DNAH3: variants seen among roughly 807,000 people sequenced by gnomAD.
DNAH3 encodes the protein dynein axonemal heavy chain 3, also known as axonemal beta dynein heavy chain 3.
Under a neutral mutation model 432.5 loss-of-function variants are expected in DNAH3, and 332 were observed. That is an observed-to-expected ratio of 0.77 (90% CI 0.70 to 0.84). DNAH3 has a LOEUF of 0.84. Among genes scored for constraint, DNAH3 ranks in the 40% least tolerant of loss-of-function variants. The pLI is 0.00. For missense variants in DNAH3, 4,861 were observed against 5,114.0 expected (o/e 0.95, Z 1.51); for synonymous variants, 1,956 against 1,900.2 (o/e 1.03, Z -0.76).
intron 23 of DNAH3, 85 bp from the exon 24 acceptor site, chr16:21,067,504 A>G (rs2090597336): frequency 7.0e-7 from 1 of 1,426,174 alleles, no homozygotes; most frequent in Admixed American, 1.8e-5. Flanking sequence ...TGACCTATCA[A>G]CTGACAGCAC....
At chr16:21,055,857 C>T (rs2090114016) in intron 27 of DNAH3, among the ~76,000 whole-genome samples, 1 of 152,084 alleles carries the variant, frequency 6.6e-6, no homozygotes, top group South Asian at 2.1e-4. Context: ...GCAATCCTCC[C>T]ACCTCAGCCG....
intron 52 of DNAH3, among the ~76,000 whole-genome samples, chr16:20,966,807 G>A (rs1214631221): frequency 6.6e-6 from 1 of 152,148 alleles, no homozygotes; most frequent in Non-Finnish European, 1.5e-5. Context: ...TGTGAGTGAG[G>A]CAAAGGTCTT....
chr16:21,121,054 G>T (rs779731576), intron 10 of DNAH3: 5 of 682,906 alleles, frequency 7.3e-6, no homozygotes, highest in South Asian at 6.0e-5. Context: ...TGAACTCCTG[G>T]GCATTCGTTT....
chr16:20,974,994 T>TC (rs1213462742), intron 51 of DNAH3, among the ~76,000 whole-genome samples: 1 of 149,940 alleles, frequency 6.7e-6, no homozygotes, highest in Non-Finnish European at 1.5e-5. Context: ...AGTTTTTTTT[T>TC]TTTTTTTTTT....
chr16:20,953,985 T>G (rs887583652), intron 55 of DNAH3, among the ~76,000 whole-genome samples: 1 of 152,054 alleles, frequency 6.6e-6, no homozygotes, highest in African/African-American at 2.4e-5. Context: ...ATGTCAGAAT[T>G]TTCTTCCTCT....
chr16:21,159,285 T>G (rs2092934219), intron 1 of DNAH3: 2 of 1,545,760 alleles, frequency 1.3e-6, no homozygotes, highest in Non-Finnish European at 8.9e-7. Context: ...TTCCCATTAT[T>G]CAGTCTCTGT....
intron 34 of DNAH3, among the ~76,000 whole-genome samples, chr16:21,037,400 C>T (rs1454134412): frequency 6.6e-6 from 1 of 152,168 alleles, no homozygotes; most frequent in African/African-American, 2.4e-5. Context: ...GATTATCTTC[C>T]AGTCACTGTA....
At position 21,122,131 on chromosome 16, in the gene DNAH3, G is replaced by A; in HGVS notation, c.1405-7C>T. ...CCTTAAAATCATTCCCATCCTTCAG[G>A]AGACATAAGGTAGGGCAAGCGTTAC... On this transcript the variant is annotated splice_region_variant and splice_polypyrimidine_tract_variant and intron_variant, in intron 9 of 61. Transcript: ENST00000261383. 1 of 1,604,430 alleles carries A rather than the reference G, an allele frequency of 6.2e-7. No homozygotes were observed. The highest frequency in any genetic ancestry group is 8.5e-7 in the Non-Finnish European group (1 of 1,176,290).
intron 41 of DNAH3, among the ~76,000 whole-genome samples, chr16:21,017,628 G>A (rs1382860383): frequency 1.3e-5 from 2 of 152,146 alleles, no homozygotes; most frequent in Non-Finnish European, 2.9e-5. Context: ...GCGCATGTTT[G>A]TTGTCAGCGC....
At chr16:21,075,157 C>A (rs1207667712) in intron 21 of DNAH3, among the ~76,000 whole-genome samples, 1 of 152,158 alleles carries the variant, frequency 6.6e-6, no homozygotes, top group African/African-American at 2.4e-5. Flanking sequence ...GGTGTACAAG[C>A]CTGCACCTTC....
exon 47 of DNAH3, chr16:20,987,353 G>A (rs2086246759): frequency 2.5e-6 from 4 of 1,614,094 alleles, no homozygotes; most frequent in African/African-American, 1.3e-5. Flanking sequence ...CCTTCACCAT[G>A]TTGAAAAAGA....
chr16:21,155,143 T>C (rs959046280), intron 1 of DNAH3, among the ~76,000 whole-genome samples: 2 of 151,066 alleles, frequency 1.3e-5, no homozygotes, highest in African/African-American at 4.9e-5. Context: ...AGAGATGGGG[T>C]TTTGCCATGT....
At chr16:20,966,749 G>A (rs563007706) in intron 52 of DNAH3, among the ~76,000 whole-genome samples, 65 of 152,284 alleles carry the variant, frequency 4.3e-4, no homozygotes, top group African/African-American at 1.4e-3. Context: ...TCCCTAGTCT[G>A]GGAGGTGGGT....
intron 40 of DNAH3, among the ~76,000 whole-genome samples, 195 bp from the exon 41 acceptor site, chr16:21,020,064 AG>A (rs2088083998): frequency 6.8e-6 from 1 of 147,866 alleles, no homozygotes; most frequent in African/African-American, 2.5e-5. Context: ...TCTGTCTCCC[AG>A]GTTGGAGTGC....
chr16:21,000,450 G>A (rs758909411), exon 43 of DNAH3: 13 of 1,613,998 alleles, frequency 8.1e-6, no homozygotes, highest in Non-Finnish European at 1.1e-5. Flanking sequence ...GAATCTCATG[G>A]TCTAAGTAGG....
At chr16:21,098,333 G>C (rs544831779) in intron 17 of DNAH3, among the ~76,000 whole-genome samples, 1 of 151,658 alleles carries the variant, frequency 6.6e-6, no homozygotes, top group East Asian at 1.9e-4. Context: ...CAGCTACTTG[G>C]AAGGCTGAGG....
At chr16:21,146,510 T>C (rs559547876) in intron 1 of DNAH3, among the ~76,000 whole-genome samples, 2 of 152,246 alleles carry the variant, frequency 1.3e-5, no homozygotes, top group South Asian at 4.1e-4. Context: ...GAGCTGAGAT[T>C]GCACTCTGAG....
intron 49 of DNAH3, among the ~76,000 whole-genome samples, chr16:20,979,810 C>T (rs35786591): frequency 0.028 from 4,277 of 152,158 alleles, 102 homozygotes; most frequent in Admixed American, 0.041. Flanking sequence ...AGTGCAGTGG[C>T]GCGATCTCAG....
At chr16:21,038,043 T>G in intron 33 of DNAH3, 63 bp from the exon 34 acceptor site, 1 of 1,455,206 alleles carries the variant, frequency 6.9e-7, no homozygotes, top group Non-Finnish European at 9.5e-7. Context: ...CAGCAGACAT[T>G]CCCAATATCC....
Sources: allele counts gnomAD v4.1 joint callset (sites outside exome capture counted in the v4.1 genomes callset), GRCh38; gene constraint gnomAD v4.1.1; transcripts MANE v1.5; gene names NCBI Gene and HGNC (gene_info 2026-07-23, HGNC 2026-07-21).